The following KIAA0825 variants were observed in gnomAD, a reference collection of about 807,000 sequenced individuals.
KIAA0825 encodes the protein KIAA0825.
A neutral mutation model predicts 147.6 loss-of-function variants in KIAA0825; 119 were observed. The observed-to-expected ratio is 0.81, with a 90% CI of 0.69 to 0.94. The LOEUF is 0.94. KIAA0825 is among the 40% of genes least tolerant of loss of function. The probability of loss-of-function intolerance (pLI) is 0.00; values close to 1 mark genes in which losing one functional copy is unlikely to be tolerated. For synonymous variants in KIAA0825, 470 were observed against 518.1 expected, an observed-to-expected ratio of 0.91 and a Z score of 1.26; for missense variants, 1,381 against 1,472.7, an observed-to-expected ratio of 0.94 and a Z score of 1.02.
intron 1 of KIAA0825, among the ~76,000 whole-genome samples, chr5:94,583,028 A>T (rs1416746032): frequency 6.6e-6 from 1 of 152,196 alleles, no homozygotes; most frequent in Non-Finnish European, 1.5e-5. Context: ...TGATCCTGTT[A>T]AAAACAGATT....
intron 1 of KIAA0825, among the ~76,000 whole-genome samples, chr5:94,611,178 C>G (rs931068116): frequency 6.6e-6 from 1 of 152,050 alleles, no homozygotes; most frequent in African/African-American, 2.4e-5. Flanking sequence ...AAAAAAGAAG[C>G]CTTTTCCAGG....
chr5:94,243,622 A>T (rs906066227), intron 20 of KIAA0825, among the ~76,000 whole-genome samples: 1 of 152,162 alleles, frequency 6.6e-6, no homozygotes, highest in South Asian at 2.1e-4. Flanking sequence ...TGAATGCACA[A>T]TTCCCTGAAT....
intron 2 of KIAA0825, among the ~76,000 whole-genome samples, chr5:94,557,711 G>A (rs973412037): frequency 7.2e-5 from 11 of 152,096 alleles, no homozygotes; most frequent in African/African-American, 1.2e-4. Flanking sequence ...ATCATCTATC[G>A]CCTGAGAGCA....
chr5:94,281,143 G>A (rs560930087), intron 20 of KIAA0825, among the ~76,000 whole-genome samples: 4 of 150,572 alleles, frequency 2.7e-5, no homozygotes, highest in South Asian at 4.2e-4. Flanking sequence ...GGCTCTTTTC[G>A]ATGGAGACAG....
At chr5:94,220,636 A>T (rs897089505) in intron 20 of KIAA0825, among the ~76,000 whole-genome samples, 1 of 152,134 alleles carries the variant, frequency 6.6e-6, no homozygotes, top group Non-Finnish European at 1.5e-5. Flanking sequence ...AATCTTATGG[A>T]TTATATAAAC....
intron 20 of KIAA0825, among the ~76,000 whole-genome samples, chr5:94,215,013 T>G (rs540095189): frequency 2.0e-5 from 3 of 152,320 alleles, no homozygotes; most frequent in Admixed American, 2.0e-4. Flanking sequence ...CCTATTCATA[T>G]TCATTAATGA....
At chr5:94,264,250 C>T (rs909654714) in intron 20 of KIAA0825, among the ~76,000 whole-genome samples, 10 of 152,246 alleles carry the variant, frequency 6.6e-5, no homozygotes, top group Middle Eastern at 3.4e-3. Context: ...TCTGATCAGC[C>T]GGTTAGGATC....
At chr5:94,532,297 GCCA>G (rs1770954484) in intron 3 of KIAA0825, among the ~76,000 whole-genome samples, 1 of 151,504 alleles carries the variant, frequency 6.6e-6, no homozygotes, top group South Asian at 2.1e-4. Flanking sequence ...ACAGGGGTGA[GCCA>G]CCACACCAGC....
chr5:94,476,485 A>G (rs1761908836), intron 7 of KIAA0825, among the ~76,000 whole-genome samples: 1 of 152,142 alleles, frequency 6.6e-6, no homozygotes, highest in Non-Finnish European at 1.5e-5. Flanking sequence ...CATGGTGGGA[A>G]CAGGGCTCAG....
At chr5:94,299,373 C>T (rs992657743) in intron 20 of KIAA0825, among the ~76,000 whole-genome samples, 3 of 151,440 alleles carry the variant, frequency 2.0e-5, no homozygotes, top group African/African-American at 4.9e-5. Flanking sequence ...AGCACCATCA[C>T]GCTTGGGTAA....
intron 20 of KIAA0825, among the ~76,000 whole-genome samples, chr5:94,356,648 A>G (rs1784295516): frequency 6.6e-6 from 1 of 151,212 alleles, no homozygotes; most frequent in African/African-American, 2.5e-5. Flanking sequence ...CATGAACTAC[A>G]TATTCATTTG....
intron 2 of KIAA0825, among the ~76,000 whole-genome samples, chr5:94,548,550 G>GT (rs1219153189): frequency 6.6e-6 from 1 of 152,116 alleles, no homozygotes; most frequent in Non-Finnish European, 1.5e-5. Flanking sequence ...AATAGCAAGA[G>GT]TAAGTCCTTA....
intron 1 of KIAA0825, among the ~76,000 whole-genome samples, chr5:94,587,567 C>T (rs1348063457): frequency 6.6e-6 from 1 of 152,176 alleles, no homozygotes; most frequent in Admixed American, 6.5e-5. Flanking sequence ...AATGGAAGAA[C>T]ATTCCATGCT....
chr5:94,520,953 G>A, intron 4 of KIAA0825, 36 bp from the exon 5 acceptor site: 1 of 1,425,036 alleles, frequency 7.0e-7, no homozygotes, highest in Non-Finnish European at 9.4e-7. Flanking sequence ...GTGATTAAGT[G>A]CAATAGAAAA....
At chr5:94,160,380 T>C (rs973983986) in intron 20 of KIAA0825, among the ~76,000 whole-genome samples, 2 of 150,452 alleles carry the variant, frequency 1.3e-5, no homozygotes, top group African/African-American at 2.4e-5. Flanking sequence ...TATTCATATA[T>C]GTACATATAT....
intron 2 of KIAA0825, among the ~76,000 whole-genome samples, chr5:94,566,411 A>C (rs960337874): frequency 3.3e-5 from 5 of 152,194 alleles, no homozygotes; most frequent in African/African-American, 4.8e-5. Flanking sequence ...TAACCAGTTA[A>C]ACAGTTTTAT....
At chr5:94,273,228 G>C (rs944714150) in intron 20 of KIAA0825, among the ~76,000 whole-genome samples, 1 of 152,114 alleles carries the variant, frequency 6.6e-6, no homozygotes, top group African/African-American at 2.4e-5. Context: ...TACAGAAGTT[G>C]TTACTACAGT....
chr5:94,367,323 C>T, intron 20 of KIAA0825, among the ~76,000 whole-genome samples: 1 of 151,986 alleles, frequency 6.6e-6, no homozygotes, highest in Non-Finnish European at 1.5e-5. Flanking sequence ...ATGATGAAAC[C>T]CCATCTCTAA....
intron 20 of KIAA0825, among the ~76,000 whole-genome samples, chr5:94,183,440 AC>A (rs1769846803): frequency 6.6e-6 from 1 of 152,002 alleles, no homozygotes; most frequent in Admixed American, 6.6e-5. Flanking sequence ...AGCTTCTAAG[AC>A]CCAGTGATAA....
Sources: gnomAD v4.1 joint callset for allele counts (sites outside exome capture counted in the v4.1 genomes callset) on GRCh38, gnomAD v4.1.1 for gene constraint, MANE v1.5 for transcripts, NCBI Gene and HGNC (gene_info 2026-07-23, HGNC 2026-07-21) for gene names.